The following NNT variants were observed in gnomAD, a reference collection of about 807,000 sequenced individuals.
NNT encodes the protein nicotinamide nucleotide transhydrogenase, also known as NAD(P) transhydrogenase, mitochondrial.
NNT carries 50 observed loss-of-function variants against 104.8 expected under a neutral mutation model. The observed-to-expected ratio is 0.48, with a 90% CI of 0.38 to 0.60. The LOEUF (loss-of-function observed/expected upper bound fraction) is 0.60, where lower values mean the gene tolerates loss of function less well. Among genes scored for constraint, NNT ranks in the 20% least tolerant of loss-of-function variants. The probability of loss-of-function intolerance (pLI) is 0.00; values close to 1 mark genes in which losing one functional copy is unlikely to be tolerated. For missense variants in NNT, 1,131 were observed against 1,330.7 expected, an observed-to-expected ratio of 0.85 and a Z score of 2.33; for synonymous variants, 461 against 490.4, an observed-to-expected ratio of 0.94 and a Z score of 0.79.
chr5:43,649,760 A>G (rs1739655765), intron 11 of NNT, among the ~76,000 whole-genome samples: 1 of 152,132 alleles, frequency 6.6e-6, no homozygotes. Context: ...ACAGGAAAAC[A>G]CAGCTTTCCA....
chr5:43,619,298 T>G (rs1162314102), intron 5 of NNT, among the ~76,000 whole-genome samples, 179 bp downstream of exon 5: 1 of 152,154 alleles, frequency 6.6e-6, no homozygotes, highest in East Asian at 1.9e-4. Flanking sequence ...TAGAAAAAAA[T>G]GAACTTTGAC....
chr5:43,647,162 A>G (rs1033237873), intron 10 of NNT, among the ~76,000 whole-genome samples: 4 of 152,188 alleles, frequency 2.6e-5, no homozygotes, highest in Non-Finnish European at 5.9e-5. Flanking sequence ...TAAACATGTA[A>G]CTCTCCTTGA....
intron 17 of NNT, among the ~76,000 whole-genome samples, chr5:43,675,258 T>C (rs1741349466): frequency 6.6e-6 from 1 of 151,714 alleles, no homozygotes; most frequent in South Asian, 2.1e-4. Flanking sequence ...TTGGTTTCTA[T>C]TTTTTTTACT....
chr5:43,705,978 A>C lies in NNT; in HGVS notation c.*1574A>C, dbSNP rs1169923255. 1 of 152,130 alleles carries C rather than the reference A, an allele frequency of 6.6e-6. No individual in the cohort carries two copies. The highest frequency in any genetic ancestry group is 2.4e-5 in the African/African-American group (1 of 41,446). 9.4% of individuals were successfully genotyped at this position (152,130 alleles called of 1,614,324 possible). A position where few individuals can be genotyped will look rare whatever the true frequency, so the allele number is the denominator to read the frequency against. On this transcript the variant is annotated 3_prime_UTR_variant, in exon 22 of 22. Coordinates refer to ENST00000344920, the MANE Select transcript of NNT (RefSeq NM_182977.3). Reference sequence around the variant, plus strand: ...TCTCAAAGTAGTTGTAGTTATATCTAGAAAGAAGCAATTTTGATTTCTTGA... The same window carrying C: ...TCTCAAAGTAGTTGTAGTTATATCTCGAAAGAAGCAATTTTGATTTCTTGA...
chr5:43,704,989 A>G lies in NNT; in HGVS notation c.*585A>G, dbSNP rs1334299334. On this transcript the variant is annotated 3_prime_UTR_variant, in exon 22 of 22. Coordinates refer to ENST00000344920, the MANE Select transcript of NNT (RefSeq NM_182977.3). ...TTCAAGGGCACATTTTCTCACTACTATTTTAATACATTAAAGGACTAAATA... is the reference window on the plus strand; with the variant it reads ...TTCAAGGGCACATTTTCTCACTACTGTTTTAATACATTAAAGGACTAAATA... 1 of 152,282 alleles carries G rather than the reference A, an allele frequency of 6.6e-6. No homozygotes were observed. Among genetic ancestry groups the G allele is most frequent in the Non-Finnish European group, 1.5e-5 (1 of 68,090 alleles). The allele number at this position is 152,282 out of a possible 1,614,324, so 9.4% of individuals were successfully genotyped here.
chr5:43,612,793 G>C, intron 2 of NNT, 115 bp from the exon 3 acceptor site: 2 of 673,502 alleles, frequency 3.0e-6, no homozygotes, highest in Non-Finnish European at 5.1e-6. Flanking sequence ...GCTTGCATGT[G>C]TGGTATATTT....
rs554771516 is a variant in NNT at position 43,680,907 on chromosome 5, C to T, written c.2876+3101C>T. Among the ~76,000 whole-genome samples, 9 of 152,050 alleles carry T rather than the reference C, an allele frequency of 5.9e-5. No homozygotes were observed. In the East Asian group the frequency reaches 1.4e-3, roughly 23 times the overall value. On this transcript the variant is annotated intron_variant, in intron 19 of 21. Transcript: ENST00000344920. ...AGAGCCACAGATATTTTGTCTTTTT[C>T]CTTCCCAATTTTTGGACTGATTATA... is the stretch of plus-strand genomic sequence containing the variant.
At position 43,613,200 on chromosome 5, in the gene NNT, AAAATT is replaced by A; in HGVS notation, c.381+70_381+74del. On this transcript the variant is annotated intron_variant, in intron 3 of 21. Coordinates refer to ENST00000344920, the MANE Select transcript of NNT (RefSeq NM_182977.3). ...TGACTTTTTGAAATCTTTTCATAGAAAAATTAAATTACTTTATCTGGAGTTACACC... is the reference window on the plus strand; with the variant it reads ...TGACTTTTTGAAATCTTTTCATAGAAAAATTACTTTATCTGGAGTTACACC... 3 of 1,311,218 alleles carry A rather than the reference AAAATT, an allele frequency of 2.3e-6. No individual in the cohort carries two copies. In the South Asian group the frequency reaches 3.9e-5, roughly 17 times the overall value. The allele number at this position is 1,311,218 out of a possible 1,614,324, so 81.2% of individuals were successfully genotyped here.
Position 43,665,769 on chromosome 5 carries a change from C to T in NNT, c.2634+6419C>T, listed in dbSNP as rs181411788. Reference sequence around the variant, plus strand: ...TACACCTCCCAGACGGGGTGGTGGCCGGGCAGAGGGGCTCACTTCCCAGAC... The same window carrying T: ...TACACCTCCCAGACGGGGTGGTGGCTGGGCAGAGGGGCTCACTTCCCAGAC... On this transcript the variant is annotated intron_variant, in intron 17 of 21. Transcript: ENST00000344920. Among the ~76,000 whole-genome samples the T allele has an allele frequency of 6.6e-5, 9 of 137,330 alleles. 2 individuals carry two copies. The highest frequency in any genetic ancestry group is 2.2e-4 in the Admixed American group (3 of 13,822). The allele number at this position is 137,330 out of a possible 152,430, so 90.1% of individuals were successfully genotyped here.
At chr5:43,638,071 A>G (rs1202179731) in intron 7 of NNT, among the ~76,000 whole-genome samples, 2 of 152,174 alleles carry the variant, frequency 1.3e-5, no homozygotes, top group Admixed American at 6.6e-5. Context: ...ATAGCGAGCT[A>G]GTTCTCATGA....
Position 43,651,786 on chromosome 5 carries a change from A to G in NNT, c.1765A>G (p.Thr589Ala), listed in dbSNP as rs370370846. 2.1e-5 allele frequency: 34 copies of G among 1,614,066 alleles called. No individual in the cohort carries two copies. The highest frequency in any genetic ancestry group is 2.7e-5 in the Non-Finnish European group (32 of 1,180,008). ...AATGCTGGACATGTTCAAGCGTCCC[A>G]CTGACCCCCCAGAATACAACTACCT... ...QRMLDMFKRPTDPPEYNYLYL... is the reference protein window; with the variant it reads ...QRMLDMFKRPADPPEYNYLYL... The change falls in exon 13 of 22, where the codon ACT (threonine) becomes GCT (alanine). Residue 589 changes from threonine (T) to alanine (A), a missense_variant. Transcript: ENST00000344920.
chr5:43,629,106 C>A (rs1165570729), intron 7 of NNT, among the ~76,000 whole-genome samples: 1 of 152,092 alleles, frequency 6.6e-6, no homozygotes, highest in Non-Finnish European at 1.5e-5. Flanking sequence ...CACCTGTCAC[C>A]TGAGCAGTAT....
At chr5:43,698,908 A>T (rs1286275856) in intron 19 of NNT, among the ~76,000 whole-genome samples, 1 of 150,864 alleles carries the variant, frequency 6.6e-6, no homozygotes, top group East Asian at 1.9e-4. Flanking sequence ...ATATATATAT[A>T]TATATATGTA....
intron 6 of NNT, among the ~76,000 whole-genome samples, chr5:43,625,669 T>C (rs910621033): frequency 5.3e-5 from 8 of 152,172 alleles, no homozygotes; most frequent in Admixed American, 3.9e-4. Context: ...TTGAATTCTT[T>C]CAAACAATAA....
rs375591327 is a variant in NNT at position 43,644,602 on chromosome 5, T to A, written c.1099-9T>A. 86 of 1,595,526 alleles carry A rather than the reference T, an allele frequency of 5.4e-5. No homozygotes were observed. The highest frequency in any genetic ancestry group is 5.2e-5 in the Non-Finnish European group (61 of 1,172,406). On this transcript the variant is annotated splice_polypyrimidine_tract_variant and intron_variant, in intron 8 of 21. Transcript: ENST00000344920. ...ATAGACCTTTTTGACTATAATTTTGTTCATTTAGGGAATTACTCACATAGG... is the reference window on the plus strand; with the variant it reads ...ATAGACCTTTTTGACTATAATTTTGATCATTTAGGGAATTACTCACATAGG...
intron 20 of NNT, among the ~76,000 whole-genome samples, chr5:43,700,887 G>T (rs529066564): frequency 1.3e-5 from 2 of 152,292 alleles, no homozygotes; most frequent in East Asian, 3.9e-4. Context: ...GAAATTGTGT[G>T]TATGTCTAGA....
At chr5:43,699,452 C>T (rs192921716) in intron 19 of NNT, among the ~76,000 whole-genome samples, 22 of 148,634 alleles carry the variant, frequency 1.5e-4, no homozygotes, top group Admixed American at 1.3e-3. Flanking sequence ...CTCCTGGGTA[C>T]AAGTGAGTCT....
chr5:43,628,286 A>G lies in NNT; in HGVS notation c.863A>G (p.Tyr288Cys), dbSNP rs201968899. The G allele has an allele frequency of 3.7e-6, 6 of 1,614,102 alleles. No homozygotes were observed. Among genetic ancestry groups the G allele is most frequent in the Non-Finnish European group, 5.1e-6 (6 of 1,179,974 alleles). The change falls in exon 7 of 22, where the codon TAT (tyrosine) becomes TGT (cysteine). Residue 288 changes from tyrosine to cysteine, a missense_variant. Transcript: ENST00000344920. The stretch of plus-strand genomic sequence containing the variant: ...GAATCTGGTGAGGGACAAGGAGGAT[A>G]TGCAAAAGAGATGTCCAAAGAGTTC... ...LKESGEGQGG[Y>C]AKEMSKEFIE...
chr5:43,651,150 C>A (rs1319168844), intron 12 of NNT, among the ~76,000 whole-genome samples: 1 of 152,148 alleles, frequency 6.6e-6, no homozygotes, highest in African/African-American at 2.4e-5. Flanking sequence ...CATTCTCAAG[C>A]TTTTTGAATG....
Sources: gnomAD v4.1 joint callset for allele counts (sites outside exome capture counted in the v4.1 genomes callset) on GRCh38, gnomAD v4.1.1 for gene constraint, MANE v1.5 for transcripts, NCBI Gene and HGNC (gene_info 2026-07-23, HGNC 2026-07-21) for gene names.